SEMA6A: variants seen among roughly 807,000 people sequenced by gnomAD.
SEMA6A encodes the protein semaphorin 6A.
A neutral mutation model predicts 96.8 loss-of-function variants in SEMA6A; 25 were observed. The observed-to-expected ratio is 0.26, with a 90% confidence interval of 0.19 to 0.36. The LOEUF is 0.36. Ranked by LOEUF, SEMA6A falls within the 10% of genes least tolerant of loss-of-function variation. The pLI, the probability that SEMA6A is intolerant of heterozygous loss-of-function variation, is 1.00. For synonymous variants in SEMA6A, 612 were observed against 518.0 expected (o/e 1.18, Z -2.46); for missense variants, 1,363 against 1,323.1 (o/e 1.03, Z -0.47).
At chr5:116,474,273 C>T (rs897319102) in intron 16 of SEMA6A, among the ~76,000 whole-genome samples, 5 of 136,544 alleles carry the variant, frequency 3.7e-5, no homozygotes, top group African/African-American at 1.4e-4. Flanking sequence ...AAAGCGTGCA[C>T]GCATGCACAC....
intron 7 of SEMA6A, 146 bp downstream of exon 7, chr5:116,491,594 T>C (rs926009916): frequency 7.7e-6 from 5 of 650,326 alleles, no homozygotes; most frequent in Non-Finnish European, 1.4e-5. Flanking sequence ...TTCATACTAA[T>C]TTCAAACAGA....
chr5:116,481,572 A>AGAGTT (rs1440401579), intron 11 of SEMA6A, among the ~76,000 whole-genome samples: 3 of 152,192 alleles, frequency 2.0e-5, no homozygotes, highest in African/African-American at 7.2e-5. Context: ...GTTGCGGAAG[A>AGAGTT]GAGTTGAAAA....
intron 1 of SEMA6A, among the ~76,000 whole-genome samples, chr5:116,541,695 T>C (rs1465349587): frequency 6.6e-6 from 1 of 152,084 alleles, no homozygotes; most frequent in Non-Finnish European, 1.5e-5. Context: ...TAGCTGGGCG[T>C]GGTGGCGTGC....
At position 116,447,380 on chromosome 5, in the gene SEMA6A, C is replaced by G. The variant is rs775844306; in HGVS notation, c.2326G>C (p.Glu776Gln). ...QKRKPSRGSR[E>Q]WERNQNLINA... ...ATGAGGTTCTGGTTCCTCTCCCACT[C>G]GCGGCTGCCGCGGCTGGGCTTCCGC... The change falls in exon 19 of 19, where the codon GAG becomes CAG. Residue 776 changes from glutamate to glutamine, a missense_variant. By Grantham distance (29) the Glu-to-Gln change is conservative (BLOSUM62 2). Coordinates refer to ENST00000343348, the MANE Select transcript of SEMA6A (RefSeq NM_020796.5). 4 of 1,613,884 alleles carry G rather than the reference C, an allele frequency of 2.5e-6. No individual in the cohort carries two copies. The highest frequency in any genetic ancestry group is 3.4e-6 in the Non-Finnish European group (4 of 1,179,900).
chr5:116,456,387 G>A (rs1380727185), intron 18 of SEMA6A, among the ~76,000 whole-genome samples: 1 of 152,108 alleles, frequency 6.6e-6, no homozygotes, highest in Admixed American at 6.6e-5. Context: ...ACATATCTAA[G>A]GTCTCATTGG....
chr5:116,491,377 T>A (rs1357089287), intron 7 of SEMA6A, among the ~76,000 whole-genome samples: 1 of 152,092 alleles, frequency 6.6e-6, no homozygotes, highest in Non-Finnish European at 1.5e-5. Context: ...CCAAAGTCCA[T>A]CCTACCTTAA....
At chr5:116,569,136 CTG>C (rs1761115551) in intron 1 of SEMA6A, among the ~76,000 whole-genome samples, 1 of 151,972 alleles carries the variant, frequency 6.6e-6, no homozygotes, top group African/African-American at 2.4e-5. Flanking sequence ...GTTTGTCAGA[CTG>C]TGAAAAATGC....
intron 1 of SEMA6A, among the ~76,000 whole-genome samples, chr5:116,532,724 C>T (rs1759538343): frequency 6.6e-6 from 1 of 151,810 alleles, no homozygotes. Flanking sequence ...CTAGGAAAAT[C>T]AATGAATCAG....
intron 7 of SEMA6A, among the ~76,000 whole-genome samples, chr5:116,489,220 T>C (rs1333964850): frequency 6.6e-6 from 1 of 152,140 alleles, no homozygotes; most frequent in Non-Finnish European, 1.5e-5. Context: ...CATTTTAAAA[T>C]TGCATGGCAA....
intron 1 of SEMA6A, among the ~76,000 whole-genome samples, chr5:116,542,371 A>G (rs1760009116): frequency 6.6e-6 from 1 of 152,032 alleles, no homozygotes; most frequent in African/African-American, 2.4e-5. Context: ...TCATTACTCT[A>G]TTGCACTTTA....
rs1760857580 is a variant in SEMA6A at position 116,562,534 on chromosome 5, G to A, written c.-39+11651C>T. On this transcript the variant is annotated intron_variant, in intron 1 of 18. Coordinates refer to ENST00000343348, the MANE Select transcript of SEMA6A (RefSeq NM_020796.5). ...TCAAAAATAAGGCCCACTCTTTCCG[G>A]TGTGGAGTCTGGAGACAACGTGCAG... is the stretch of plus-strand genomic sequence containing the variant. The A allele has an allele frequency of 7.4e-6, 4 of 542,904 alleles. No homozygotes were observed. In the Admixed American group the frequency reaches 1.0e-4, roughly 14 times the overall value. The allele number at this position is 542,904 out of a possible 1,614,324, so 33.6% of individuals were successfully genotyped here. A position where few individuals can be genotyped will look rare whatever the true frequency, so the allele number is the denominator to read the frequency against.
At chr5:116,469,945 C>G (rs1214733058) in intron 17 of SEMA6A, among the ~76,000 whole-genome samples, 1 of 152,126 alleles carries the variant, frequency 6.6e-6, no homozygotes. Flanking sequence ...TAATACCCAC[C>G]ACATCTCGAT....
intron 5 of SEMA6A, 117 bp downstream of exon 5, chr5:116,496,134 A>T: frequency 2.3e-6 from 2 of 856,922 alleles, no homozygotes; most frequent in South Asian, 3.2e-5. Flanking sequence ...GAAAAAAGCA[A>T]TTACTGAGGG....
rs1754038790 is a variant in SEMA6A, at chr5:116,443,955, T to G, written c.*2658A>C. 6.6e-6 allele frequency: 1 copy of G among 152,212 alleles called. No homozygotes were observed. The highest frequency in any genetic ancestry group is 2.1e-4 in the South Asian group (1 of 4,820). The allele number at this position is 152,212 out of a possible 1,614,324, so 9.4% of individuals were successfully genotyped here. A position where few individuals can be genotyped will look rare whatever the true frequency, so the allele number is the denominator to read the frequency against. ...GGGGGTGTAGGAATGTGGATGTAAGTTTTGACACAGGTCTCCTTAACAGCT... is the reference window on the plus strand; with the variant it reads ...GGGGGTGTAGGAATGTGGATGTAAGGTTTGACACAGGTCTCCTTAACAGCT... On this transcript the variant is annotated 3_prime_UTR_variant, in exon 19 of 19. Transcript: ENST00000343348.
chr5:116,487,830 C>A (rs1240874167), intron 9 of SEMA6A, among the ~76,000 whole-genome samples: 1 of 152,140 alleles, frequency 6.6e-6, no homozygotes, highest in Non-Finnish European at 1.5e-5. Flanking sequence ...TACCACTGCA[C>A]TCCAGCCTGG....
At chr5:116,555,772 A>G (rs1760583548) in intron 1 of SEMA6A, among the ~76,000 whole-genome samples, 1 of 152,192 alleles carries the variant, frequency 6.6e-6, no homozygotes, top group South Asian at 2.1e-4. Flanking sequence ...GGCTGCAGTA[A>G]GCTATGATCA....
rs949188225 is a variant in SEMA6A at position 116,447,059 on chromosome 5, G to C, written c.2647C>G (p.Gln883Glu). The C allele has an allele frequency of 2.5e-6, 4 of 1,613,974 alleles. No homozygotes were observed. The highest frequency in any genetic ancestry group is 1.7e-5 in the Admixed American group (1 of 60,032). The change falls in exon 19 of 19, where the codon CAG becomes GAG. Residue 883 changes from glutamine to glutamate, a missense_variant. Gln to Glu is a conservative substitution (Grantham distance 29). Around this residue, in one of 2 missense-constraint regions of SEMA6A, gnomAD observed 883 missense variants for 763.6 expected, o/e 1.16. Transcript: ENST00000343348. ...GGGGGACCCAGGGAGGCCTCCCGCT[G>C]TGGAACTTTGGGGGGCAGGCTGTCC... ...NLDSLPPKVP[Q>E]REASLGPPGA...
chr5:116,493,616 G>A (rs1757436056), intron 6 of SEMA6A, among the ~76,000 whole-genome samples: 2 of 152,002 alleles, frequency 1.3e-5, no homozygotes, highest in Admixed American at 1.3e-4. Context: ...TGGCCCTGTT[G>A]GTGCCCATTT....
chr5:116,493,413 A>G (rs961516423), intron 6 of SEMA6A, among the ~76,000 whole-genome samples: 6 of 152,250 alleles, frequency 3.9e-5, no homozygotes, highest in Non-Finnish European at 8.8e-5. Flanking sequence ...GGCTACCTCT[A>G]TTATAAACTG....
Sources: gnomAD v4.1 joint callset for allele counts (sites outside exome capture counted in the v4.1 genomes callset) on GRCh38, gnomAD v4.1.1 for gene constraint, gnomAD v4.1.1 regional missense constraint, MANE v1.5 for transcripts, NCBI Gene and HGNC (gene_info 2026-07-23, HGNC 2026-07-21) for gene names.